FTCDNL1: variants seen among roughly 807,000 people sequenced by gnomAD.
FTCDNL1 encodes formiminotransferase cyclodeaminase N-terminal like.
Under a neutral mutation model 5.9 loss-of-function variants are expected in FTCDNL1, and 11 were observed. That is an observed-to-expected ratio of 1.87 (90% CI 1.18 to 3.10). The LOEUF (loss-of-function observed/expected upper bound fraction) is 3.10, where lower values mean the gene tolerates loss of function less well. FTCDNL1 is among the 30% of genes most tolerant of loss of function. FTCDNL1 has a pLI of 0.00. For missense variants in FTCDNL1, 115 were observed against 65.5 expected (o/e 1.76, Z -2.61); for synonymous variants, 58 against 24.8 (o/e 2.34, Z -3.99).
At chr2:199,735,427 C>T in the FTCDNL1 span, among the ~76,000 whole-genome samples, 17 of 152,024 alleles carry the variant, frequency 1.1e-4, no homozygotes, top group East Asian at 3.9e-4. Context: ...ACAGGGTAAA[C>T]GGTTGGTTTG....
the FTCDNL1 span, among the ~76,000 whole-genome samples, chr2:199,664,086 T>TA: frequency 1.9e-4 from 28 of 150,126 alleles, no homozygotes; most frequent in African/African-American, 2.7e-4. Flanking sequence ...CCCAGAGCAT[T>TA]AAAAAAAAAG....
downstream of FTCDNL1, among the ~76,000 whole-genome samples, chr2:199,809,197 A>T (rs567624304): frequency 1.8e-4 from 27 of 152,166 alleles, no homozygotes; most frequent in Non-Finnish European, 3.2e-4. Flanking sequence ...ATCAAATGTA[A>T]GTAAAAAAAA....
chr2:199,815,834 T>A (rs1701319126), intron 4 of FTCDNL1, among the ~76,000 whole-genome samples: 1 of 152,024 alleles, frequency 6.6e-6, no homozygotes, highest in South Asian at 2.1e-4. Context: ...ACCCCGTCTC[T>A]ACTAAAATAC....
the FTCDNL1 span, among the ~76,000 whole-genome samples, chr2:199,704,040 G>A: frequency 1.3e-5 from 2 of 152,010 alleles, no homozygotes; most frequent in Non-Finnish European, 2.9e-5. Context: ...TTTTTCTGAC[G>A]GCCCCTCAGA....
chr2:199,813,588 C>A (rs1302437872), intron 4 of FTCDNL1, among the ~76,000 whole-genome samples: 1 of 152,094 alleles, frequency 6.6e-6, no homozygotes, highest in Non-Finnish European at 1.5e-5. Flanking sequence ...TAAACAGATT[C>A]TTTTCAACCA....
At chr2:199,685,910 T>C in the FTCDNL1 span, among the ~76,000 whole-genome samples, 2 of 152,242 alleles carry the variant, frequency 1.3e-5, no homozygotes, top group Non-Finnish European at 2.9e-5. Flanking sequence ...CTAGAAAGCC[T>C]TAGACTTCTG....
At position 199,830,450 on chromosome 2, in the gene FTCDNL1, A is replaced by G. The variant is rs1574647006; in HGVS notation, c.212-10693T>C. Among the ~76,000 whole-genome samples the G allele has an allele frequency of 2.0e-5, 3 of 152,278 alleles. No homozygotes were observed. In the South Asian group the frequency reaches 6.2e-4, roughly 32 times the overall value. ...TGGAAATTTCTCTCTTTGCAATTCA[A>G]AATTATTTTAAAGATAGAACATTTC... is the stretch of plus-strand genomic sequence containing the variant. On this transcript the variant is annotated intron_variant, in intron 3 of 4. Transcript: ENST00000420128.
chr2:199,783,768 C>T (rs1699488584), intron 3 of FTCDNL1, among the ~76,000 whole-genome samples: 1 of 151,970 alleles, frequency 6.6e-6, no homozygotes, highest in East Asian at 1.9e-4. Context: ...AGACACATTA[C>T]ATTGTTCATC....
At chr2:199,757,818 T>C (rs1001804095), downstream of FTCDNL1, among the ~76,000 whole-genome samples, 1 of 152,226 alleles carries the variant, frequency 6.6e-6, no homozygotes, top group Non-Finnish European at 1.5e-5. Flanking sequence ...TTAATGTTTA[T>C]AATATGTCAA....
the FTCDNL1 span, among the ~76,000 whole-genome samples, chr2:199,701,361 T>G: frequency 9.2e-5 from 12 of 130,160 alleles, no homozygotes; most frequent in South Asian, 2.4e-4. Context: ...AACCACCGCA[T>G]GCTGGCAAGG....
rs1701044168 is a variant in FTCDNL1, at chr2:199,811,652, T to C, written c.*1053A>G. 6.6e-6 allele frequency among the ~76,000 whole-genome samples: 1 copy of C among 152,230 alleles called. No homozygotes were observed. The highest frequency in any genetic ancestry group is 1.5e-5 in the Non-Finnish European group (1 of 68,046). On this transcript the variant is annotated 3_prime_UTR_variant, in exon 5 of 5. Coordinates refer to ENST00000420128, the MANE Select transcript of FTCDNL1 (RefSeq NM_001363886.2). ...AAGTTCCTGCATGTGGACTTGGGGC[T>C]TTCCCCATGACATGGGTCATTCCAT... is the stretch of plus-strand genomic sequence containing the variant.
chr2:199,684,854 T>A, the FTCDNL1 span, among the ~76,000 whole-genome samples: 1 of 152,198 alleles, frequency 6.6e-6, no homozygotes, highest in East Asian at 1.9e-4. Flanking sequence ...TAACTTTTGA[T>A]AAATGTATAT....
chr2:199,825,785 C>G (rs898886631), intron 3 of FTCDNL1, among the ~76,000 whole-genome samples: 2 of 152,136 alleles, frequency 1.3e-5, no homozygotes, highest in African/African-American at 4.8e-5. Flanking sequence ...GCCAAATAAA[C>G]CTCTTTTCTT....
intron 3 of FTCDNL1, among the ~76,000 whole-genome samples, chr2:199,802,916 T>C (rs916474452): frequency 6.6e-6 from 1 of 151,860 alleles, no homozygotes; most frequent in African/African-American, 2.4e-5. Context: ...ACTCAGAATA[T>C]GATAATAGAG....
At chr2:199,849,263 C>T (rs1236495926) in intron 1 of FTCDNL1, among the ~76,000 whole-genome samples, 1 of 152,182 alleles carries the variant, frequency 6.6e-6, no homozygotes, top group Non-Finnish European at 1.5e-5. Flanking sequence ...TATGTTATCC[C>T]ATTTTAAGCA....
the FTCDNL1 span, among the ~76,000 whole-genome samples, chr2:199,675,054 C>A: frequency 6.6e-6 from 1 of 152,116 alleles, no homozygotes; most frequent in Non-Finnish European, 1.5e-5. Flanking sequence ...GAGTTTTATT[C>A]CAGACCAAAT....
the FTCDNL1 span, among the ~76,000 whole-genome samples, chr2:199,721,349 T>C: frequency 6.6e-6 from 1 of 152,196 alleles, no homozygotes; most frequent in African/African-American, 2.4e-5. Context: ...CAGCTCCTAC[T>C]TATGGTTGAG....
At chr2:199,834,077 A>C (rs1366828629) in intron 3 of FTCDNL1, among the ~76,000 whole-genome samples, 1 of 152,124 alleles carries the variant, frequency 6.6e-6, no homozygotes, top group Non-Finnish European at 1.5e-5. Flanking sequence ...GTCATTGCAG[A>C]TGTAATGAGT....
In FTCDNL1 at chr2:199,803,852, T is replaced by A. The variant is rs549358339; in HGVS notation, c.211+42223A>T. The stretch of plus-strand genomic sequence containing the variant: ...GAGGTTCCTGGTTGACCCAATAGGC[T>A]AAGAGCACTTAGGGAATTTTATTAC... On this transcript the variant is annotated intron_variant, in intron 3 of 3. Coordinates refer to the FTCDNL1 transcript ENST00000416668. Among the ~76,000 whole-genome samples the A allele has an allele frequency of 5.9e-5, 9 of 152,292 alleles. No individual in the cohort carries two copies. In the East Asian group the frequency reaches 1.7e-3, roughly 29 times the overall value.
Sources: allele counts gnomAD v4.1 joint callset (sites outside exome capture counted in the v4.1 genomes callset), GRCh38; gene constraint gnomAD v4.1.1; transcripts MANE v1.5; gene names NCBI Gene and HGNC (gene_info 2026-07-23, HGNC 2026-07-21).